The following NR1H4 variants were observed in gnomAD, a reference collection of about 807,000 sequenced individuals.
The protein encoded by NR1H4 is nuclear receptor subfamily 1 group H member 4, also known as bile acid receptor.
NR1H4 carries 23 observed loss-of-function variants against 58.5 expected under a neutral mutation model. The ratio of observed to expected loss-of-function variants is 0.39; its 90% CI spans 0.28 to 0.56. The LOEUF is 0.56. NR1H4 is among the 20% of genes least tolerant of loss of function. NR1H4 has a pLI of 0.58. For missense variants in NR1H4, 487 were observed against 576.9 expected (o/e 0.84, Z 1.60); for synonymous variants, 214 against 198.0 (o/e 1.08, Z -0.68).
At chr12:100,503,329 C>A (rs955997789) in intron 3 of NR1H4, 2 of 1,558,532 alleles carry the variant, frequency 1.3e-6, no homozygotes, top group East Asian at 2.3e-5. Context: ...ACCACACAAC[C>A]TCTGTCCTCT....
At chr12:100,497,191 G>T (rs1953734448) in intron 3 of NR1H4, among the ~76,000 whole-genome samples, 1 of 152,126 alleles carries the variant, frequency 6.6e-6, no homozygotes, top group Middle Eastern at 3.2e-3. Context: ...AATATTAACT[G>T]CCCCTCGGCT....
intron 8 of NR1H4, among the ~76,000 whole-genome samples, chr12:100,537,287 T>C (rs1954836026): frequency 6.6e-6 from 1 of 152,240 alleles, no homozygotes; most frequent in East Asian, 1.9e-4. Context: ...AATCATTTAA[T>C]ATCTGATTTA....
intron 5 of NR1H4, 76 bp from the exon 6 acceptor site, chr12:100,534,814 A>G (rs1416726644): frequency 9.1e-6 from 14 of 1,538,856 alleles, no homozygotes; most frequent in Middle Eastern, 1.7e-4. Flanking sequence ...GGCCAGGTAC[A>G]TATCAGTGGT....
At chr12:100,515,217 C>T (rs1299321067) in intron 4 of NR1H4, among the ~76,000 whole-genome samples, 2 of 140,294 alleles carry the variant, frequency 1.4e-5, no homozygotes, top group African/African-American at 5.5e-5. Context: ...GTTGCCCAGG[C>T]TGGAGGGCAA....
intron 3 of NR1H4, chr12:100,503,636 A>T (rs1159455548): frequency 6.1e-6 from 5 of 814,074 alleles, no homozygotes; most frequent in Middle Eastern, 3.3e-4. Context: ...CTGGAATGAG[A>T]GTTTGGGTTG....
intron 3 of NR1H4, among the ~76,000 whole-genome samples, chr12:100,505,254 T>G (rs949151294): frequency 9.2e-5 from 14 of 152,086 alleles, no homozygotes; most frequent in African/African-American, 3.1e-4. Flanking sequence ...TATGGGGGAG[T>G]GCCATTGTTT....
At chr12:100,505,051 A>G (rs2136135913) in intron 3 of NR1H4, among the ~76,000 whole-genome samples, 1 of 152,320 alleles carries the variant, frequency 6.6e-6, no homozygotes, top group East Asian at 1.9e-4. Flanking sequence ...ACTTTGCAGT[A>G]AAGCCCTGCC....
rs994613266 is a variant in NR1H4 at position 100,547,457 on chromosome 12, T to A, written c.1078+6639T>A. Among the ~76,000 whole-genome samples, 6 of 152,262 alleles carry A rather than the reference T, an allele frequency of 3.9e-5. No homozygotes were observed. The East Asian group carries it at 7.7e-4, about 20-fold the overall frequency. ...GAAAAAGAGTGGCACACCTTCCCTT[T>A]AAAGGAATAATCCTGAAGTGGTATG... On this transcript the variant is annotated intron_variant, in intron 9 of 10. Transcript: ENST00000392986.
chr12:100,541,598 T>A (rs1224576401), intron 9 of NR1H4, among the ~76,000 whole-genome samples: 1 of 145,572 alleles, frequency 6.9e-6, no homozygotes, highest in Admixed American at 6.6e-5. Flanking sequence ...AACTTTTTTT[T>A]TCTTTTCTTT....
intron 3 of NR1H4, among the ~76,000 whole-genome samples, chr12:100,496,756 A>G (rs1391101631): frequency 6.6e-6 from 1 of 152,158 alleles, no homozygotes; most frequent in Non-Finnish European, 1.5e-5. Context: ...AGGTTATTAT[A>G]AAGGTCATAA....
intron 9 of NR1H4, among the ~76,000 whole-genome samples, chr12:100,542,117 G>A (rs552294365): frequency 6.0e-4 from 91 of 152,118 alleles, no homozygotes; most frequent in African/African-American, 2.1e-3. Flanking sequence ...AGGCAGAGGG[G>A]GGTGGATCAC....
intron 9 of NR1H4, among the ~76,000 whole-genome samples, chr12:100,548,457 T>C (rs1370867106): frequency 6.6e-6 from 1 of 152,086 alleles, no homozygotes; most frequent in Non-Finnish European, 1.5e-5. Flanking sequence ...CAGGCAAGGC[T>C]TTCTGACTCA....
intron 3 of NR1H4, among the ~76,000 whole-genome samples, chr12:100,509,510 G>T (rs953641103): frequency 2.6e-5 from 4 of 152,074 alleles, no homozygotes; most frequent in African/African-American, 9.7e-5. Context: ...GAGCACTTCT[G>T]TGTGCCAAAC....
chr12:100,501,865 C>T (rs1953842007), intron 3 of NR1H4, among the ~76,000 whole-genome samples: 1 of 152,188 alleles, frequency 6.6e-6, no homozygotes, highest in Admixed American at 6.5e-5. Flanking sequence ...TAAGGTTACA[C>T]AGTGCATCTC....
intron 9 of NR1H4, among the ~76,000 whole-genome samples, chr12:100,555,702 A>G (rs1321159354): frequency 6.6e-6 from 1 of 152,214 alleles, no homozygotes; most frequent in Non-Finnish European, 1.5e-5. Flanking sequence ...AGTACACATT[A>G]TATTACACGT....
intron 1 of NR1H4, among the ~76,000 whole-genome samples, chr12:100,485,929 A>G (rs1240089722): frequency 6.6e-6 from 1 of 152,154 alleles, no homozygotes; most frequent in Non-Finnish European, 1.5e-5. Context: ...TATTTATTGT[A>G]TCCATTCTCT....
chr12:100,563,130 T>A, intron 10 of NR1H4, 121 bp from the exon 11 acceptor site: 1 of 798,970 alleles, frequency 1.3e-6, no homozygotes, highest in Non-Finnish European at 2.1e-6. Flanking sequence ...AACACTTAAT[T>A]TTCACATTTT....
At chr12:100,496,092 T>C (rs1382091091) in intron 3 of NR1H4, among the ~76,000 whole-genome samples, 1 of 152,222 alleles carries the variant, frequency 6.6e-6, no homozygotes, top group Non-Finnish European at 1.5e-5. Context: ...GAATAGTCTA[T>C]GGATAGCTGT....
intron 3 of NR1H4, among the ~76,000 whole-genome samples, chr12:100,507,207 T>C (rs748435610): frequency 2.0e-5 from 3 of 152,198 alleles, no homozygotes; most frequent in Admixed American, 6.5e-5. Flanking sequence ...GGTTAGAGGA[T>C]AAAATCTAAG....
Sources: allele counts gnomAD v4.1 joint callset (sites outside exome capture counted in the v4.1 genomes callset), GRCh38; gene constraint gnomAD v4.1.1; transcripts MANE v1.5; gene names NCBI Gene and HGNC (gene_info 2026-07-23, HGNC 2026-07-21).